Variants in CALD1 observed in about 807,000 individuals in gnomAD.
CALD1 encodes caldesmon 1, also known as caldesmon.
A neutral mutation model predicts 99.9 loss-of-function variants in CALD1; 33 were observed. That is an observed-to-expected ratio of 0.33 (90% CI 0.25 to 0.44). The LOEUF (loss-of-function observed/expected upper bound fraction) is 0.44, where lower values mean the gene tolerates loss of function less well. CALD1 is among the 20% of genes least tolerant of loss of function. The probability of loss-of-function intolerance (pLI) is 1.00; values close to 1 mark genes in which losing one functional copy is unlikely to be tolerated. For synonymous variants in CALD1, 310 were observed against 325.0 expected, an observed-to-expected ratio of 0.95 and a Z score of 0.50; for missense variants, 861 against 962.1, an observed-to-expected ratio of 0.89 and a Z score of 1.39.
chr7:134,777,705 C>T (rs993158173), upstream of CALD1, among the ~76,000 whole-genome samples: 1 of 152,160 alleles, frequency 6.6e-6, no homozygotes, highest in Non-Finnish European at 1.5e-5. Flanking sequence ...AGATCATGCA[C>T]CCGGAACGTC....
intron 3 of CALD1, chr7:134,868,062 C>A (rs1389457620): frequency 4.1e-6 from 1 of 242,080 alleles, no homozygotes; most frequent in African/African-American, 2.3e-5. Context: ...TAATCAATAC[C>A]TTTCACATTG....
chr7:134,894,069 C>T (rs1802392809), intron 3 of CALD1, among the ~76,000 whole-genome samples: 1 of 152,100 alleles, frequency 6.6e-6, no homozygotes, highest in Non-Finnish European at 1.5e-5. Context: ...GGTGACTGCA[C>T]CTATAAAGAT....
chr7:134,821,218 G>T (rs1442299925), intron 1 of CALD1, among the ~76,000 whole-genome samples: 2 of 152,042 alleles, frequency 1.3e-5, no homozygotes, highest in African/African-American at 4.8e-5. Context: ...TTATAGTAGG[G>T]ATTCAGATAA....
At chr7:134,868,408 A>G (rs1482028307) in intron 3 of CALD1, among the ~76,000 whole-genome samples, 1 of 152,236 alleles carries the variant, frequency 6.6e-6, no homozygotes, top group Non-Finnish European at 1.5e-5. Flanking sequence ...AAGCATTGGC[A>G]TATAAAACCT....
At chr7:134,779,519 C>G, upstream of CALD1, 1 of 394,192 alleles carries the variant, frequency 2.5e-6, no homozygotes, top group Non-Finnish European at 4.5e-6. Flanking sequence ...AGAAAAACGA[C>G]AGGACAATGC....
the CALD1 span, among the ~76,000 whole-genome samples, chr7:134,721,315 GT>G: frequency 7.9e-6 from 1 of 126,440 alleles, no homozygotes; most frequent in Non-Finnish European, 1.6e-5. Context: ...ACTGAGCCTG[GT>G]TTAAGTCATC....
intron 1 of CALD1, among the ~76,000 whole-genome samples, chr7:134,830,543 C>T (rs1799178169): frequency 6.6e-6 from 1 of 152,016 alleles, no homozygotes; most frequent in Admixed American, 6.6e-5. Context: ...GTTATTTTTC[C>T]TAATCCTCTC....
rs979764893 is a variant in CALD1, at chr7:134,921,760, G to A, written c.72-6994G>A. Among the ~76,000 whole-genome samples, 8 of 152,142 alleles carry A rather than the reference G, an allele frequency of 5.3e-5. No homozygotes were observed. The East Asian group carries it at 1.3e-3, about 26-fold the overall frequency. On this transcript the variant is annotated intron_variant, in intron 3 of 14. Transcript: ENST00000361675. ...CAGGAGGTGGAGGTTGCAGTGAGCC[G>A]AGATTGGGCCACTGCACTCCAGTGA... is the stretch of plus-strand genomic sequence containing the variant.
intron 2 of CALD1, among the ~76,000 whole-genome samples, chr7:134,858,606 T>A (rs10282371): frequency 6.6e-6 from 1 of 151,644 alleles, no homozygotes; most frequent in African/African-American, 2.4e-5. Flanking sequence ...AGTCTTGTTA[T>A]GTCACCAGGC....
chr7:134,724,235 A>T, the CALD1 span, among the ~76,000 whole-genome samples: 1 of 152,168 alleles, frequency 6.6e-6, no homozygotes, highest in Admixed American at 6.5e-5. Context: ...GAGTGAATAC[A>T]CTTTAGGGAA....
rs1801914195 is a variant in CALD1 at position 134,887,538 on chromosome 7, G to A, written c.71+19734G>A. On this transcript the variant is annotated intron_variant, in intron 3 of 14. Coordinates refer to ENST00000361675, the MANE Select transcript of CALD1 (RefSeq NM_033138.4). ...CTCCCTAGTGGTAGATTTCCCTTAG[G>A]TTTATGTGTTTCCATAGTAAGTGAA... Among the ~76,000 whole-genome samples, 3 of 152,128 alleles carry A rather than the reference G, an allele frequency of 2.0e-5. No homozygotes were observed. In the South Asian group the frequency reaches 6.2e-4, roughly 32 times the overall value.
intron 1 of CALD1, among the ~76,000 whole-genome samples, chr7:134,817,229 C>T (rs942366086): frequency 6.6e-6 from 1 of 152,164 alleles, no homozygotes; most frequent in African/African-American, 2.4e-5. Flanking sequence ...AGAATCTCAA[C>T]ATATGGACAT....
intron 1 of CALD1, among the ~76,000 whole-genome samples, chr7:134,803,452 G>A (rs1197258402): frequency 2.0e-5 from 3 of 151,344 alleles, no homozygotes; most frequent in African/African-American, 7.3e-5. Context: ...AGAAATATTT[G>A]CATACTCTAT....
chr7:134,959,617 C>T (rs1563134847), intron 11 of CALD1, among the ~76,000 whole-genome samples: 1 of 151,970 alleles, frequency 6.6e-6, no homozygotes, highest in Non-Finnish European at 1.5e-5. Flanking sequence ...CTGTAGTGAG[C>T]CTTGATTGTG....
Position 134,902,998 on chromosome 7 carries a change from T to C in CALD1, c.72-25756T>C, listed in dbSNP as rs74420687. 7.2e-5 allele frequency among the ~76,000 whole-genome samples: 11 copies of C among 152,128 alleles called. No individual in the cohort carries two copies. In the East Asian group the frequency reaches 1.2e-3, roughly 16 times the overall value. ...TACTCAGAACCAAAAACAAATGAGC[T>C]CTTAAGCCATGAAAAGACATGCAGG... On this transcript the variant is annotated intron_variant, in intron 3 of 14. Coordinates refer to ENST00000361675, the MANE Select transcript of CALD1 (RefSeq NM_033138.4).
chr7:134,962,895 C>T, intron 13 of CALD1: 1 of 456,634 alleles, frequency 2.2e-6, no homozygotes, highest in South Asian at 1.5e-5. Flanking sequence ...TCTCCCTCTT[C>T]TTCCGGAGTG....
intron 1 of CALD1, among the ~76,000 whole-genome samples, chr7:134,798,272 G>GT (rs1797822714): frequency 6.6e-6 from 1 of 152,192 alleles, no homozygotes; most frequent in African/African-American, 2.4e-5. Flanking sequence ...CTTTCCACCT[G>GT]TAATACCTTA....
At chr7:134,733,824 AAAC>A in the CALD1 span, among the ~76,000 whole-genome samples, 1 of 79,936 alleles carries the variant, frequency 1.3e-5, no homozygotes, top group East Asian at 9.6e-4. Context: ...AAAAAACAAA[AAAC>A]AAAAAAAAAC....
intron 3 of CALD1, among the ~76,000 whole-genome samples, chr7:134,872,400 C>G (rs1033053313): frequency 6.6e-6 from 1 of 150,908 alleles, no homozygotes; most frequent in Admixed American, 6.6e-5. Flanking sequence ...CTTTGTCTTG[C>G]CCCTTAGCCT....
Sources: allele counts gnomAD v4.1 joint callset (sites outside exome capture counted in the v4.1 genomes callset), GRCh38; gene constraint gnomAD v4.1.1; transcripts MANE v1.5; gene names NCBI Gene and HGNC (gene_info 2026-07-23, HGNC 2026-07-21).